The following KALRN variants were observed in gnomAD, a reference collection of about 807,000 sequenced individuals.
KALRN encodes kalirin.
A neutral mutation model predicts 353.7 loss-of-function variants in KALRN; 70 were observed. That is an observed-to-expected ratio of 0.20 (90% CI 0.16 to 0.24). The LOEUF (loss-of-function observed/expected upper bound fraction) is 0.24. KALRN is among the 10% of genes least tolerant of loss of function. The pLI, the probability that KALRN is intolerant of heterozygous loss-of-function variation, is 1.00. For missense variants in KALRN, 2,791 were observed against 3,756.7 expected (o/e 0.74, Z 6.72); for synonymous variants, 1,391 against 1,434.8 (o/e 0.97, Z 0.69).
chr3:124,141,466 C>T (rs113785303), intron 1 of KALRN, among the ~76,000 whole-genome samples: 4,554 of 152,232 alleles, frequency 0.03, 214 homozygotes, highest in African/African-American at 0.1. Context: ...GCCCTTACCT[C>T]TCTCATCCTC....
chr3:124,398,767 C>A lies in KALRN; in HGVS notation c.2242C>A (p.Gln748Lys), dbSNP rs752703180. Residue 748 changes from glutamine (Q) to lysine (K), a missense_variant, in exon 13 of 60, where the codon CAG (glutamine) becomes AAG (lysine). Transcript: ENST00000682506. ...CAGCCACATCGAGTCGGTCCTGCAG[C>A]AGCTTGATGATGCCCAGGTGCAGAT... ...SISHIESVLQ[Q>K]LDDAQVQMEE... 4 of 1,614,084 alleles carry A rather than the reference C, an allele frequency of 2.5e-6. No individual in the cohort carries two copies. Among genetic ancestry groups the A allele is most frequent in the Admixed American group, 1.7e-5 (1 of 60,008 alleles).
intron 16 of KALRN, among the ~76,000 whole-genome samples, chr3:124,433,823 A>G (rs2093372137): frequency 6.6e-6 from 1 of 152,184 alleles, no homozygotes; most frequent in East Asian, 1.9e-4. Context: ...CTGATTATTA[A>G]TGTTTTAAAT....
chr3:124,190,354 C>A (rs529285728), intron 1 of KALRN, among the ~76,000 whole-genome samples: 2 of 152,166 alleles, frequency 1.3e-5, no homozygotes, highest in African/African-American at 4.8e-5. Flanking sequence ...CCTCAAGACC[C>A]TACCTTCCCC....
intron 34 of KALRN, among the ~76,000 whole-genome samples, chr3:124,613,958 G>A (rs923953218): frequency 7.9e-5 from 12 of 152,168 alleles, no homozygotes; most frequent in East Asian, 1.9e-4. Context: ...TACAGAGCCA[G>A]CCTGGATTTA....
chr3:124,505,749 C>T lies in KALRN; in HGVS notation c.4935+9336C>T, dbSNP rs139938124. 9.8e-3 allele frequency among the ~76,000 whole-genome samples: 1,488 copies of T among 152,354 alleles called. 9 individuals carry two copies. The highest frequency in any genetic ancestry group is 0.016 in the Non-Finnish European group (1,094 of 68,030). ...TGGAGGTGGCTTTGAAGCTGTGGCT[C>T]TGCTTTCGCTGGAGCTCCCTTTACC... On this transcript the variant is annotated intron_variant, in intron 33 of 59. Coordinates refer to ENST00000682506, the MANE Select transcript of KALRN (RefSeq NM_001388419.1).
chr3:124,666,269 G>A (rs1212035848), intron 45 of KALRN, among the ~76,000 whole-genome samples, 180 bp from the exon 46 acceptor site: 1 of 152,192 alleles, frequency 6.6e-6, no homozygotes, highest in Non-Finnish European at 1.5e-5. Context: ...ACAGGAAAGT[G>A]GCCAAGGTCG....
intron 13 of KALRN, among the ~76,000 whole-genome samples, chr3:124,412,229 C>T (rs2092221736): frequency 6.6e-6 from 1 of 152,112 alleles, no homozygotes; most frequent in South Asian, 2.1e-4. Flanking sequence ...TCCCTGTGTC[C>T]CTGATGCTCC....
At chr3:124,541,761 G>A (rs1436711661) in intron 33 of KALRN, among the ~76,000 whole-genome samples, 1 of 150,056 alleles carries the variant, frequency 6.7e-6, no homozygotes, top group Non-Finnish European at 1.5e-5. Flanking sequence ...GCATGGTGGT[G>A]CATGCCTGTA....
intron 13 of KALRN, among the ~76,000 whole-genome samples, chr3:124,412,385 C>T (rs558557619): frequency 6.6e-6 from 1 of 152,354 alleles, no homozygotes; most frequent in South Asian, 2.1e-4. Context: ...CCTGGAGTGA[C>T]ACTTTCGTCT....
At chr3:124,519,693 C>T in intron 33 of KALRN, 1 of 985,402 alleles carries the variant, frequency 1.0e-6, no homozygotes, top group Non-Finnish European at 1.2e-6. Context: ...GTGTCATTCT[C>T]TGGAATTGCA....
At chr3:124,492,492 T>C (rs2063274527) in intron 31 of KALRN, among the ~76,000 whole-genome samples, 1 of 152,198 alleles carries the variant, frequency 6.6e-6, no homozygotes, top group African/African-American at 2.4e-5. Context: ...TTATGAGTTA[T>C]GAAATACTTT....
chr3:124,462,465 G>T (rs1286130781), intron 24 of KALRN, 59 bp from the exon 25 acceptor site: 2 of 970,242 alleles, frequency 2.1e-6, no homozygotes, highest in East Asian at 2.4e-5. Context: ...TGTGTATTTT[G>T]TCTGTATTTT....
chr3:124,542,054 G>A (rs143383874), intron 33 of KALRN, among the ~76,000 whole-genome samples: 1 of 152,310 alleles, frequency 6.6e-6, no homozygotes, highest in East Asian at 1.9e-4. Flanking sequence ...ATCACCTGTG[G>A]GCACAGAATG....
At chr3:124,202,378 G>A (rs963416652) in intron 1 of KALRN, among the ~76,000 whole-genome samples, 6 of 152,140 alleles carry the variant, frequency 3.9e-5, no homozygotes, top group Non-Finnish European at 7.4e-5. Context: ...ACCCTCCCAA[G>A]TAGCTGGGAC....
At chr3:124,465,708 G>A (rs1252292620) in intron 25 of KALRN, among the ~76,000 whole-genome samples, 1 of 152,130 alleles carries the variant, frequency 6.6e-6, no homozygotes, top group Non-Finnish European at 1.5e-5. Context: ...CCAATTGTTT[G>A]TATTATTCCA....
At chr3:124,518,793 C>T (rs1054077118) in intron 33 of KALRN, 28 of 1,238,408 alleles carry the variant, frequency 2.3e-5, no homozygotes, top group African/African-American at 7.6e-5. Context: ...ACAGCAGGTA[C>T]GCCCAGGCTC....
intron 10 of KALRN, among the ~76,000 whole-genome samples, chr3:124,375,401 A>G (rs1431891303): frequency 6.6e-6 from 1 of 152,096 alleles, no homozygotes; most frequent in African/African-American, 2.4e-5. Flanking sequence ...TCTCTGCACC[A>G]TCTTCTTTGT....
At chr3:124,557,938 A>G (rs1267933476) in intron 33 of KALRN, among the ~76,000 whole-genome samples, 1 of 152,172 alleles carries the variant, frequency 6.6e-6, no homozygotes, top group Non-Finnish European at 1.5e-5. Context: ...CTTCCTGGAA[A>G]GCAATGCGGA....
intron 1 of KALRN, among the ~76,000 whole-genome samples, chr3:124,188,979 C>A (rs1023463076): frequency 1.3e-5 from 2 of 152,162 alleles, no homozygotes; most frequent in African/African-American, 4.8e-5. Flanking sequence ...AGGCTACAAA[C>A]AAATCTGCTT....
Sources: gnomAD v4.1 joint callset for allele counts (sites outside exome capture counted in the v4.1 genomes callset) on GRCh38, gnomAD v4.1.1 for gene constraint, MANE v1.5 for transcripts, NCBI Gene and HGNC (gene_info 2026-07-23, HGNC 2026-07-21) for gene names.